The following CTNNA2 variants were observed in gnomAD, a reference collection of about 807,000 sequenced individuals.
CTNNA2 encodes catenin alpha-2.
In CTNNA2, 42 loss-of-function variants were observed where a neutral mutation model predicts 101.0. That is an observed-to-expected ratio of 0.42 (90% confidence interval 0.32 to 0.54). The LOEUF is 0.54. CTNNA2 is among the 20% of genes least tolerant of loss of function. The pLI, the probability that CTNNA2 is intolerant of heterozygous loss-of-function variation, is 0.14. For missense variants in CTNNA2, 871 were observed against 1,223.1 expected (o/e 0.71, Z 4.29); for synonymous variants, 450 against 456.4 (o/e 0.99, Z 0.18).
chr2:79,957,546 G>C (rs775286884), intron 7 of CTNNA2, among the ~76,000 whole-genome samples: 3 of 152,160 alleles, frequency 2.0e-5, no homozygotes, highest in Non-Finnish European at 4.4e-5. Flanking sequence ...TGTAAAGTTA[G>C]TTCTTTCCCA....
chr2:80,228,977 C>T (rs908758125), intron 7 of CTNNA2, among the ~76,000 whole-genome samples: 1 of 152,164 alleles, frequency 6.6e-6, no homozygotes, highest in Non-Finnish European at 1.5e-5. Flanking sequence ...GCCCTATTTT[C>T]TAAGAGTAGA....
At chr2:79,545,791 T>C (rs1216824825) in intron 1 of CTNNA2, among the ~76,000 whole-genome samples, 1 of 152,180 alleles carries the variant, frequency 6.6e-6, no homozygotes, top group Non-Finnish European at 1.5e-5. Context: ...TTTATGCTCA[T>C]AATATAAGTA....
intron 2 of CTNNA2, among the ~76,000 whole-genome samples, chr2:79,714,622 C>T (rs1303456592): frequency 6.7e-6 from 1 of 149,600 alleles, no homozygotes; most frequent in Non-Finnish European, 1.5e-5. Context: ...CTGTTAGGGG[C>T]CTAATTACAT....
At chr2:80,313,461 T>C in intron 7 of CTNNA2, 1 of 1,520,056 alleles carries the variant, frequency 6.6e-7, no homozygotes, top group East Asian at 2.5e-5. Flanking sequence ...AAACCAATAT[T>C]ATTCATGCTA....
intron 7 of CTNNA2, among the ~76,000 whole-genome samples, chr2:79,949,387 T>C (rs145607891): frequency 6.6e-6 from 1 of 152,334 alleles, no homozygotes; most frequent in East Asian, 1.9e-4. Context: ...ATGTTAACTT[T>C]GTACATATGT....
chr2:80,351,590 A>G (rs866887285), intron 7 of CTNNA2, among the ~76,000 whole-genome samples: 77 of 152,256 alleles, frequency 5.1e-4, no homozygotes, highest in African/African-American at 1.7e-3. Context: ...GCTGCTCGCT[A>G]ACTGCCTGGG....
chr2:79,441,472 C>A (rs968959175), intron 4 of CTNNA2, among the ~76,000 whole-genome samples: 2 of 152,112 alleles, frequency 1.3e-5, no homozygotes, highest in African/African-American at 4.8e-5. Context: ...CCATCATATA[C>A]CCAGGGACTG....
At chr2:79,365,543 C>T (rs1156430976) in intron 3 of CTNNA2, among the ~76,000 whole-genome samples, 1 of 150,264 alleles carries the variant, frequency 6.7e-6, no homozygotes, top group African/African-American at 2.4e-5. Context: ...GGAGGATGGC[C>T]CAAGCCCAGG....
At chr2:79,829,435 TGGCG>T (rs1167687703) in intron 3 of CTNNA2, among the ~76,000 whole-genome samples, 1 of 140,270 alleles carries the variant, frequency 7.1e-6, no homozygotes, top group Admixed American at 7.2e-5. Flanking sequence ...CCGGGCGAGA[TGGCG>T]GGCGCCTGTA....
rs386390569 is a variant in CTNNA2, at chr2:79,796,394, C to CA, written c.298+51830dup. ...TAGGCGACAGAGCGAGACTCCGTCT[C>CA]AAAAAAAAAAAAAAAAAAGTGGCCT... On this transcript the variant is annotated intron_variant, in intron 3 of 18. Coordinates refer to ENST00000402739, the MANE Select transcript of CTNNA2 (RefSeq NM_001282597.3). Among the ~76,000 whole-genome samples the CA allele has an allele frequency of 9.5e-3, 897 of 94,610 alleles. 16 individuals carry two copies. The highest frequency in any genetic ancestry group is 0.014 in the Non-Finnish European group (588 of 42,566). 62.1% of individuals were successfully genotyped at this position (94,610 alleles called of 152,430 possible). A position where few individuals can be genotyped will look rare whatever the true frequency, so the allele number is the denominator to read the frequency against.
intron 9 of CTNNA2, among the ~76,000 whole-genome samples, chr2:80,537,258 T>C (rs1691122766): frequency 6.6e-6 from 1 of 152,190 alleles, no homozygotes; most frequent in South Asian, 2.1e-4. Context: ...CATGAACCCA[T>C]TCTTTTTTAT....
intron 1 of CTNNA2, among the ~76,000 whole-genome samples, chr2:79,576,297 A>C (rs925317422): frequency 5.9e-5 from 9 of 152,334 alleles, no homozygotes; most frequent in African/African-American, 2.2e-4. Context: ...TTTTACAAAA[A>C]GAGTTAAAGG....
intron 3 of CTNNA2, among the ~76,000 whole-genome samples, chr2:79,749,852 GAGT>G (rs1446350364): frequency 6.6e-6 from 1 of 152,196 alleles, no homozygotes; most frequent in African/African-American, 2.4e-5. Flanking sequence ...ATAGATGTCA[GAGT>G]AGATTTATTA....
intron 2 of CTNNA2, among the ~76,000 whole-genome samples, chr2:79,280,489 C>T (rs1203612665): frequency 6.6e-6 from 1 of 152,032 alleles, no homozygotes; most frequent in Non-Finnish European, 1.5e-5. Flanking sequence ...ATCCCCGGAG[C>T]AGGGGGTCCT....
intron 4 of CTNNA2, among the ~76,000 whole-genome samples, chr2:79,378,443 T>TA (rs1342249253): frequency 6.6e-6 from 1 of 152,154 alleles, no homozygotes; most frequent in African/African-American, 2.4e-5. Flanking sequence ...GATATATAGT[T>TA]AAAAAATTGT....
chr2:80,606,817 A>C (rs1021898257), intron 16 of CTNNA2, among the ~76,000 whole-genome samples: 9 of 151,906 alleles, frequency 5.9e-5, no homozygotes, highest in Admixed American at 3.9e-4. Context: ...TTACTGTTCC[A>C]TTGAGATAGA....
At chr2:79,932,034 A>G (rs1687481654) in intron 7 of CTNNA2, among the ~76,000 whole-genome samples, 1 of 152,156 alleles carries the variant, frequency 6.6e-6, no homozygotes, top group African/African-American at 2.4e-5. Flanking sequence ...ACACCTTCAG[A>G]TTCTTTGATG....
At chr2:79,330,310 A>G (rs1676841984) in intron 3 of CTNNA2, among the ~76,000 whole-genome samples, 2 of 152,184 alleles carry the variant, frequency 1.3e-5, no homozygotes, top group Admixed American at 6.5e-5. Context: ...TGAACAAAGC[A>G]AGTTCAAGAC....
chr2:80,143,774 T>A (rs1430343149), intron 7 of CTNNA2, among the ~76,000 whole-genome samples: 5 of 152,190 alleles, frequency 3.3e-5, no homozygotes, highest in Non-Finnish European at 5.9e-5. Context: ...ATCACATAAT[T>A]GCAGTGAGAA....
Sources: allele counts gnomAD v4.1 joint callset (sites outside exome capture counted in the v4.1 genomes callset), GRCh38; gene constraint gnomAD v4.1.1; transcripts MANE v1.5; gene names NCBI Gene and HGNC (gene_info 2026-07-23, HGNC 2026-07-21).